The following DPP10 variants were observed in gnomAD, a reference collection of about 807,000 sequenced individuals.
The protein encoded by DPP10 is inactive dipeptidyl peptidase 10.
A neutral mutation model predicts 120.9 loss-of-function variants in DPP10; 33 were observed. The ratio of observed to expected loss-of-function variants is 0.27; its 90% CI spans 0.21 to 0.37. The LOEUF (loss-of-function observed/expected upper bound fraction) is 0.37, where lower values mean the gene tolerates loss of function less well. Among genes scored for constraint, DPP10 ranks in the 10% least tolerant of loss-of-function variants. The probability of loss-of-function intolerance (pLI) is 1.00; values close to 1 mark genes in which losing one functional copy is unlikely to be tolerated. For missense variants in DPP10, 816 were observed against 942.8 expected (o/e 0.87, Z 1.76); for synonymous variants, 337 against 326.1 (o/e 1.03, Z -0.36).
intron 5 of DPP10, among the ~76,000 whole-genome samples, chr2:115,625,243 A>G (rs182185678): frequency 6.6e-6 from 1 of 152,204 alleles, no homozygotes; most frequent in Non-Finnish European, 1.5e-5. Context: ...TCTTTTTTGG[A>G]TTCACAATAT....
At chr2:114,770,549 G>T (rs1681158726) in intron 1 of DPP10, among the ~76,000 whole-genome samples, 1 of 152,078 alleles carries the variant, frequency 6.6e-6, no homozygotes, top group Admixed American at 6.6e-5. Context: ...CCAAAAATGT[G>T]CTTTCTCCTT....
chr2:115,769,248 TA>T (rs1290341897), intron 13 of DPP10, among the ~76,000 whole-genome samples: 17 of 152,056 alleles, frequency 1.1e-4, no homozygotes, highest in Admixed American at 2.0e-4. Flanking sequence ...ACAAACTAGC[TA>T]AGAGTAATTT....
intron 1 of DPP10, among the ~76,000 whole-genome samples, chr2:114,959,085 G>A (rs984295744): frequency 5.9e-5 from 9 of 152,204 alleles, no homozygotes; most frequent in African/African-American, 2.2e-4. Context: ...CTGAGATGGA[G>A]TCTTGCTCTG....
chr2:115,414,510 T>A (rs1332988195), intron 3 of DPP10, among the ~76,000 whole-genome samples: 3 of 152,216 alleles, frequency 2.0e-5, no homozygotes, highest in Non-Finnish European at 1.5e-5. Flanking sequence ...AAGTCTATTA[T>A]GTGTTTTCAG....
chr2:114,837,039 T>C (rs1045686999), intron 1 of DPP10, among the ~76,000 whole-genome samples: 12 of 152,172 alleles, frequency 7.9e-5, no homozygotes, highest in African/African-American at 2.9e-4. Context: ...CAAACACACA[T>C]GCTCTAAAAT....
chr2:115,334,177 C>T (rs922590487), intron 2 of DPP10, among the ~76,000 whole-genome samples: 19 of 137,180 alleles, frequency 1.4e-4, no homozygotes, highest in African/African-American at 3.9e-4. Flanking sequence ...AGAGCAACTC[C>T]AAAAGTAATT....
intron 1 of DPP10, among the ~76,000 whole-genome samples, chr2:114,761,000 A>G (rs1680234366): frequency 6.6e-6 from 1 of 152,222 alleles, no homozygotes; most frequent in Non-Finnish European, 1.5e-5. Flanking sequence ...TTTACTGGGT[A>G]TATCACATAC....
intron 7 of DPP10, among the ~76,000 whole-genome samples, chr2:115,691,164 C>T (rs903297678): frequency 1.3e-5 from 2 of 151,706 alleles, no homozygotes; most frequent in Admixed American, 6.6e-5. Context: ...GATATTAATA[C>T]ATTGTTTGGT....
At chr2:114,563,112 G>A (rs537903710) in intron 1 of DPP10, among the ~76,000 whole-genome samples, 15 of 152,294 alleles carry the variant, frequency 9.8e-5, no homozygotes, top group African/African-American at 2.4e-4. Flanking sequence ...AGTGGCTCAC[G>A]CCTGTAATCC....
intron 5 of DPP10, among the ~76,000 whole-genome samples, chr2:115,582,806 A>G (rs890344835): frequency 2.0e-5 from 3 of 152,172 alleles, no homozygotes; most frequent in Non-Finnish European, 4.4e-5. Context: ...GGGGTTGTTA[A>G]TGGCTTATCT....
chr2:115,566,770 T>G (rs2081033328), intron 5 of DPP10, among the ~76,000 whole-genome samples: 1 of 152,218 alleles, frequency 6.6e-6, no homozygotes, highest in African/African-American at 2.4e-5. Context: ...TGTAATGACG[T>G]GTACATACAT....
At chr2:115,272,575 A>G (rs905907243) in intron 1 of DPP10, among the ~76,000 whole-genome samples, 1 of 152,258 alleles carries the variant, frequency 6.6e-6, no homozygotes, top group African/African-American at 2.4e-5. Context: ...TAAATCACAT[A>G]AAGTTCTTCA....
At chr2:115,556,410 A>G (rs889137129) in intron 5 of DPP10, among the ~76,000 whole-genome samples, 38 of 101,190 alleles carry the variant, frequency 3.8e-4, no homozygotes, top group Middle Eastern at 0.01. Context: ...GTGTTAGTGT[A>G]TTTTATGTGT....
At chr2:115,622,222 A>G (rs1201666048) in intron 5 of DPP10, among the ~76,000 whole-genome samples, 1 of 151,694 alleles carries the variant, frequency 6.6e-6, no homozygotes, top group Non-Finnish European at 1.5e-5. Flanking sequence ...GAACTCATCA[A>G]CTCTCTGTCT....
intron 12 of DPP10, among the ~76,000 whole-genome samples, chr2:115,764,735 T>G (rs1680514715): frequency 6.6e-6 from 1 of 152,126 alleles, no homozygotes; most frequent in Non-Finnish European, 1.5e-5. Context: ...GTAAATGCCA[T>G]TGGTCGTTTA....
chr2:114,764,593 G>A (rs541955684), intron 1 of DPP10, among the ~76,000 whole-genome samples: 1 of 151,552 alleles, frequency 6.6e-6, no homozygotes, highest in African/African-American at 2.4e-5. Context: ...AATTATATTT[G>A]TCCCCATGAA....
chr2:115,747,594 C>CTTTTTTTTTTTTT (rs3980905), intron 10 of DPP10, among the ~76,000 whole-genome samples: 1 of 141,226 alleles, frequency 7.1e-6, no homozygotes, highest in Non-Finnish European at 1.5e-5. Context: ...ATCCCCTTGT[C>CTTTTTTTTTTTTT]TTTTTTTTTT....
At chr2:114,468,479 C>G (rs1430034880) in intron 1 of DPP10, among the ~76,000 whole-genome samples, 1 of 150,572 alleles carries the variant, frequency 6.6e-6, no homozygotes, top group Admixed American at 6.6e-5. Context: ...GATAGCTATC[C>G]AAAGGTTCAT....
chr2:115,217,415 G>A (rs1005419873), intron 1 of DPP10, among the ~76,000 whole-genome samples: 54 of 152,252 alleles, frequency 3.5e-4, no homozygotes, highest in African/African-American at 1.3e-3. Flanking sequence ...TATTATCACC[G>A]TTGACTCAAG....
Sources: gnomAD v4.1 joint callset for allele counts (sites outside exome capture counted in the v4.1 genomes callset) on GRCh38, gnomAD v4.1.1 for gene constraint, MANE v1.5 for transcripts, NCBI Gene and HGNC (gene_info 2026-07-23, HGNC 2026-07-21) for gene names.